The following TBC1D5 variants were observed in gnomAD, a reference collection of about 807,000 sequenced individuals.
The protein encoded by TBC1D5 is TBC1 domain family, member 5.
TBC1D5 carries 75 observed loss-of-function variants against 100.3 expected under a neutral mutation model. The ratio of observed to expected loss-of-function variants is 0.75; its 90% CI spans 0.62 to 0.91. The LOEUF is 0.91. Among genes scored for constraint, TBC1D5 ranks in the 40% least tolerant of loss-of-function variants. The probability of loss-of-function intolerance (pLI) is 0.00; values close to 1 mark genes in which losing one functional copy is unlikely to be tolerated. For synonymous variants in TBC1D5, 323 were observed against 325.6 expected (o/e 0.99, Z 0.09); for missense variants, 910 against 942.4 (o/e 0.97, Z 0.45).
intron 13 of TBC1D5, among the ~76,000 whole-genome samples, chr3:17,346,096 T>C (rs1054565473): frequency 1.7e-4 from 26 of 152,236 alleles, no homozygotes; most frequent in African/African-American, 5.3e-4. Flanking sequence ...TTTTTCAGTA[T>C]AATACTATTG....
At chr3:17,343,129 G>C (rs2089266555) in intron 13 of TBC1D5, among the ~76,000 whole-genome samples, 2 of 152,232 alleles carry the variant, frequency 1.3e-5, no homozygotes, top group South Asian at 4.1e-4. Context: ...TTATTATTTG[G>C]AGATACGTCC....
At chr3:17,612,487 G>T (rs549382044) in intron 2 of TBC1D5, among the ~76,000 whole-genome samples, 1 of 151,538 alleles carries the variant, frequency 6.6e-6, no homozygotes, top group Non-Finnish European at 1.5e-5. Flanking sequence ...AAAATTAGTC[G>T]GGCATGGTGG....
At chr3:17,515,612 T>C (rs2095975160) in intron 2 of TBC1D5, among the ~76,000 whole-genome samples, 1 of 152,194 alleles carries the variant, frequency 6.6e-6, no homozygotes, top group South Asian at 2.1e-4. Context: ...ATAAGTGGCC[T>C]AACAAAAATT....
At chr3:17,567,582 T>G (rs547961932) in intron 2 of TBC1D5, among the ~76,000 whole-genome samples, 13 of 151,846 alleles carry the variant, frequency 8.6e-5, no homozygotes, top group African/African-American at 3.1e-4. Context: ...TACAGATATG[T>G]GAAGCGACTT....
At chr3:17,700,210 C>G (rs1331196636) in intron 1 of TBC1D5, among the ~76,000 whole-genome samples, 3 of 150,180 alleles carry the variant, frequency 2.0e-5, no homozygotes, top group South Asian at 2.1e-4. Context: ...ACAAACCTGA[C>G]AAAAACAAGA....
chr3:17,689,797 T>C (rs114405096), intron 1 of TBC1D5, among the ~76,000 whole-genome samples: 1 of 152,136 alleles, frequency 6.6e-6, no homozygotes, highest in Non-Finnish European at 1.5e-5. Flanking sequence ...AAATGAGAAA[T>C]ATAACTTGCA....
chr3:17,548,624 A>G (rs1576641052), intron 2 of TBC1D5, among the ~76,000 whole-genome samples: 2 of 152,314 alleles, frequency 1.3e-5, no homozygotes, highest in South Asian at 2.1e-4. Flanking sequence ...AGGGGAGAAA[A>G]TGTACTAAAC....
At chr3:17,716,214 A>G (rs1241336374) in intron 1 of TBC1D5, among the ~76,000 whole-genome samples, 1 of 152,198 alleles carries the variant, frequency 6.6e-6, no homozygotes, top group East Asian at 1.9e-4. Flanking sequence ...ATAATGTAAT[A>G]ACCTCTTAAG....
Position 17,508,503 on chromosome 3 carries a change from G to C in TBC1D5, c.68C>G (p.Pro23Arg), listed in dbSNP as rs552330248. The C allele has an allele frequency of 1.3e-5, 21 of 1,613,628 alleles. No homozygotes were observed. The South Asian group carries it at 1.8e-4, about 14-fold the overall frequency. ...AGACTTGTTAGAGTAACTGGACAAG[G>C]GGTCAATGCCTACTTCTTGTTCTTC... Residue 23 changes from proline (P) to arginine (R), a missense_variant, in exon 3 of 22, where the codon CCC becomes CGC. Physicochemically the swap from Pro to Arg is moderately radical, Grantham distance 103. Coordinates refer to ENST00000253692, the Ensembl canonical transcript of TBC1D5.
chr3:17,583,708 C>T (rs191871157), intron 2 of TBC1D5, among the ~76,000 whole-genome samples: 1 of 152,092 alleles, frequency 6.6e-6, no homozygotes, highest in African/African-American at 2.4e-5. Flanking sequence ...GGCCACGCAA[C>T]AGAGCAAGAC....
chr3:17,354,406 T>C (rs545321419), intron 13 of TBC1D5, among the ~76,000 whole-genome samples: 2 of 152,262 alleles, frequency 1.3e-5, no homozygotes, highest in Admixed American at 1.3e-4. Context: ...ACTTTACACC[T>C]TCTTTTAAAT....
intron 2 of TBC1D5, among the ~76,000 whole-genome samples, chr3:17,594,180 G>A (rs1362990445): frequency 6.6e-6 from 1 of 152,202 alleles, no homozygotes; most frequent in Admixed American, 6.5e-5. Context: ...TAAGAAAGGA[G>A]TTATAGTGTT....
chr3:17,668,993 C>T (rs1462044012), intron 1 of TBC1D5, among the ~76,000 whole-genome samples: 2 of 152,126 alleles, frequency 1.3e-5, no homozygotes, highest in Admixed American at 1.3e-4. Context: ...ATGACTGATA[C>T]TGTTTGGTTC....
intron 1 of TBC1D5, among the ~76,000 whole-genome samples, chr3:17,692,255 C>A (rs1195051243): frequency 6.6e-6 from 1 of 152,100 alleles, no homozygotes; most frequent in African/African-American, 2.4e-5. Context: ...CCATGCCCAG[C>A]TAATTTTTGT....
At chr3:17,348,033 G>GC (rs917197331) in intron 13 of TBC1D5, among the ~76,000 whole-genome samples, 6 of 152,020 alleles carry the variant, frequency 3.9e-5, no homozygotes, top group South Asian at 4.2e-4. Flanking sequence ...ATTAGATGGA[G>GC]CCCCCCCACC....
intron 3 of TBC1D5, among the ~76,000 whole-genome samples, chr3:17,438,488 G>T (rs1395610085): frequency 6.6e-6 from 1 of 152,108 alleles, no homozygotes; most frequent in Non-Finnish European, 1.5e-5. Flanking sequence ...AGATCTGATG[G>T]TTTTATAAGG....
At chr3:17,417,518 G>T (rs1447453670) in intron 4 of TBC1D5, among the ~76,000 whole-genome samples, 2 of 152,078 alleles carry the variant, frequency 1.3e-5, no homozygotes, top group South Asian at 2.1e-4. Flanking sequence ...CAAAGGACAT[G>T]AACTCATCAT....
intron 4 of TBC1D5, among the ~76,000 whole-genome samples, chr3:17,417,146 T>C (rs568343268): frequency 2.6e-5 from 4 of 152,274 alleles, no homozygotes; most frequent in African/African-American, 9.6e-5. Context: ...TGAGCTATGC[T>C]GTTCAAGAGA....
intron 1 of TBC1D5, among the ~76,000 whole-genome samples, chr3:17,678,687 A>C (rs905343133): frequency 2.0e-4 from 29 of 144,920 alleles, no homozygotes; most frequent in Admixed American, 6.2e-4. Flanking sequence ...AAAAAAAAAA[A>C]CAGGAAAAGA....
Sources: gnomAD v4.1 joint callset for allele counts (sites outside exome capture counted in the v4.1 genomes callset) on GRCh38, gnomAD v4.1.1 for gene constraint, MANE v1.5 for transcripts, NCBI Gene and HGNC (gene_info 2026-07-23, HGNC 2026-07-21) for gene names.